Variants in MCPH1 observed in about 807,000 individuals in gnomAD.
MCPH1 encodes microcephalin.
Under a neutral mutation model 84.5 loss-of-function variants are expected in MCPH1, and 104 were observed. The ratio of observed to expected loss-of-function variants is 1.23; its 90% confidence interval spans 1.05 to 1.45. The LOEUF is 1.45. Ranked by LOEUF, MCPH1 falls within the 40% of genes most tolerant of loss-of-function variation. MCPH1 has a pLI of 0.00. For synonymous variants in MCPH1, 514 were observed against 366.8 expected, an observed-to-expected ratio of 1.40 and a Z score of -4.58; for missense variants, 1,498 against 1,005.7, an observed-to-expected ratio of 1.49 and a Z score of -6.62.
At chr8:6,614,897 C>G (rs7017968) in intron 12 of MCPH1, among the ~76,000 whole-genome samples, 77,813 of 151,462 alleles carry the variant, frequency 0.51, 20,773 homozygotes, top group Middle Eastern at 0.61. Flanking sequence ...CCACCCTACT[C>G]CATCCCTTTT....
intron 12 of MCPH1, among the ~76,000 whole-genome samples, chr8:6,613,063 G>A (rs1186672013): frequency 2.6e-5 from 4 of 152,204 alleles, no homozygotes; most frequent in African/African-American, 9.7e-5. Flanking sequence ...TTGGCCTGCT[G>A]GGGGATCGGC....
In MCPH1 at chr8:6,406,707, G is replaced by A. The variant is rs768366254; in HGVS notation, c.22+18G>A. ...CCTGAAAGGTGAGGTACTTCCTGCT[G>A]CCTGCTCCAGCAGCGGGAGTTTGAG... On this transcript the variant is annotated intron_variant, in intron 1 of 13. Transcript: ENST00000344683. 1.6e-5 allele frequency: 26 copies of A among 1,611,830 alleles called. No individual in the cohort carries two copies. The East Asian group carries it at 4.9e-4, about 30-fold the overall frequency.
Position 6,456,946 on chromosome 8 carries a change from A to C in MCPH1, c.1935+1694A>C, listed in dbSNP as rs964870441. The stretch of plus-strand genomic sequence containing the variant: ...TCACTGTAAATGGCATATGAATGGG[A>C]GATGGGTACCTGTTTGACCTTCTGG... On this transcript the variant is annotated intron_variant, in intron 9 of 13. Transcript: ENST00000344683. Among the ~76,000 whole-genome samples, 3 of 152,222 alleles carry C rather than the reference A, an allele frequency of 2.0e-5. No homozygotes were observed. In the East Asian group the frequency reaches 5.8e-4, roughly 30 times the overall value.
chr8:6,563,976 C>CTTTTTTTTTTTTTTTTTTTTTTTTT (rs11358428), intron 12 of MCPH1, among the ~76,000 whole-genome samples: 1 of 85,382 alleles, frequency 1.2e-5, no homozygotes, highest in South Asian at 4.7e-4. Context: ...GGAATACAAA[C>CTTTTTTTTTTTTTTTTTTTTTTTTT]TTTTTTTTTT....
intron 12 of MCPH1, among the ~76,000 whole-genome samples, chr8:6,536,985 A>AG (rs1232992983): frequency 6.6e-6 from 1 of 151,714 alleles, no homozygotes; most frequent in African/African-American, 2.4e-5. Flanking sequence ...AAAAAAAAAA[A>AG]AAAAACCAAC....
chr8:6,535,475 CTAAGTA>C (rs1180410478), intron 12 of MCPH1, among the ~76,000 whole-genome samples: 1 of 152,094 alleles, frequency 6.6e-6, no homozygotes, highest in Non-Finnish European at 1.5e-5. Context: ...TTCAGGATGA[CTAAGTA>C]TAGGTTCACA....
chr8:6,641,096 T>A (rs1434705833), intron 13 of MCPH1, among the ~76,000 whole-genome samples: 4 of 152,228 alleles, frequency 2.6e-5, no homozygotes, highest in Admixed American at 2.0e-4. Flanking sequence ...TCCTATGCAT[T>A]TTTTTCTTTC....
At position 6,444,797 on chromosome 8, in the gene MCPH1, G is replaced by C; in HGVS notation, c.1075G>C (p.Val359Leu). Residue 359 changes from valine to leucine, a missense_variant, in exon 8 of 14, where the codon GTA (valine) becomes CTA (leucine). Val to Leu is a conservative substitution (Grantham distance 32). Coordinates refer to ENST00000344683, the MANE Select transcript of MCPH1 (RefSeq NM_024596.5). ...PRSSSVKRKRVSHGSHSPPKE... is the reference protein window; with the variant it reads ...PRSSSVKRKRLSHGSHSPPKE... ...GAGTTCCTCAGTAAAGAGAAAAAGA[G>C]TATCACATGGCTCCCATTCACCTCC... 6.2e-7 allele frequency: 1 copy of C among 1,614,048 alleles called. No homozygotes were observed. The highest frequency in any genetic ancestry group is 1.1e-5 in the South Asian group (1 of 91,076).
chr8:6,592,617 TTTTTTG>T (rs1183253032), intron 12 of MCPH1, among the ~76,000 whole-genome samples: 26 of 76,376 alleles, frequency 3.4e-4, no homozygotes, highest in East Asian at 1.5e-3. Context: ...TTTCTTTCTT[TTTTTTG>T]TTTTTTTTTT....
intron 9 of MCPH1, among the ~76,000 whole-genome samples, chr8:6,455,842 C>A (rs1272227820): frequency 6.6e-6 from 1 of 152,066 alleles, no homozygotes; most frequent in Non-Finnish European, 1.5e-5. Context: ...ATACCTTGTG[C>A]CTCATTTTTA....
chr8:6,634,490 T>C (rs983753920), intron 13 of MCPH1, among the ~76,000 whole-genome samples: 1 of 141,208 alleles, frequency 7.1e-6, no homozygotes, highest in African/African-American at 2.5e-5. Context: ...AAGGACAGAA[T>C]GACTGTGCAG....
intron 12 of MCPH1, chr8:6,514,565 C>T: frequency 1.1e-6 from 1 of 927,052 alleles, no homozygotes; most frequent in South Asian, 1.5e-5. Context: ...ATTTTAAAAA[C>T]CATGTCAAAA....
At chr8:6,539,424 C>G (rs930254772) in intron 12 of MCPH1, among the ~76,000 whole-genome samples, 5 of 152,162 alleles carry the variant, frequency 3.3e-5, no homozygotes, top group African/African-American at 1.2e-4. Context: ...GAAGCCTGGC[C>G]TCTGGTGCCA....
intron 12 of MCPH1, among the ~76,000 whole-genome samples, chr8:6,556,975 T>G (rs1453875197): frequency 1.3e-5 from 2 of 152,182 alleles, no homozygotes; most frequent in Non-Finnish European, 2.9e-5. Flanking sequence ...TAAATATTTT[T>G]TGAACAAATA....
chr8:6,610,365 C>T (rs888941039), intron 12 of MCPH1, among the ~76,000 whole-genome samples: 9 of 152,344 alleles, frequency 5.9e-5, no homozygotes, highest in Admixed American at 5.2e-4. Flanking sequence ...CCTAATCAAG[C>T]CATGTTGTTG....
Position 6,428,479 on chromosome 8 carries a change from G to T in MCPH1, c.234-3020G>T, listed in dbSNP as rs1024515215. Among the ~76,000 whole-genome samples, 7 of 152,190 alleles carry T rather than the reference G, an allele frequency of 4.6e-5. No homozygotes were observed. The East Asian group carries it at 1.2e-3, about 25-fold the overall frequency. On this transcript the variant is annotated intron_variant, in intron 3 of 13. Coordinates refer to ENST00000344683, the MANE Select transcript of MCPH1 (RefSeq NM_024596.5). Reference sequence around the variant, plus strand: ...GTCACCACAATTTAAAAACATTTTCGTCACCTCAAAATGAAACTTGCACCC... The same window carrying T: ...GTCACCACAATTTAAAAACATTTTCTTCACCTCAAAATGAAACTTGCACCC...
At chr8:6,499,680 C>G in intron 11 of MCPH1, 172 bp from the exon 12 acceptor site, 1 of 595,334 alleles carries the variant, frequency 1.7e-6, no homozygotes, top group South Asian at 2.1e-5. Context: ...TATTAATATT[C>G]ATAACATTTA....
intron 12 of MCPH1, among the ~76,000 whole-genome samples, chr8:6,584,394 C>A (rs973471040): frequency 6.6e-6 from 1 of 152,176 alleles, no homozygotes; most frequent in Non-Finnish European, 1.5e-5. Flanking sequence ...CATATACCAA[C>A]TGATTTAAAA....
chr8:6,627,318 G>A, intron 13 of MCPH1: 1 of 983,168 alleles, frequency 1.0e-6, no homozygotes, highest in Non-Finnish European at 1.2e-6. Flanking sequence ...AAGCTGTGGA[G>A]AGTGGCAGAG....
Sources: gnomAD v4.1 joint callset for allele counts (sites outside exome capture counted in the v4.1 genomes callset) on GRCh38, gnomAD v4.1.1 for gene constraint, MANE v1.5 for transcripts, NCBI Gene and HGNC (gene_info 2026-07-23, HGNC 2026-07-21) for gene names.